Variants in BDH1 observed in about 807,000 individuals in gnomAD.
BDH1 encodes the protein 3-hydroxybutyrate dehydrogenase 1.
BDH1 carries 30 observed loss-of-function variants against 33.1 expected under a neutral mutation model. The ratio of observed to expected loss-of-function variants is 0.91; its 90% CI spans 0.68 to 1.23. The LOEUF is 1.23. BDH1 is among the 50% of genes most tolerant of loss of function. The pLI, the probability that BDH1 is intolerant of heterozygous loss-of-function variation, is 0.00. For missense variants in BDH1, 443 were observed against 464.4 expected (o/e 0.95, Z 0.42); for synonymous variants, 190 against 183.6 (o/e 1.03, Z -0.28).
intron 3 of BDH1, among the ~76,000 whole-genome samples, chr3:197,543,428 G>C (rs986648339): frequency 2.0e-5 from 3 of 152,244 alleles, no homozygotes; most frequent in Admixed American, 2.0e-4. Context: ...TGGCAGAGCT[G>C]AGCACTGGTG....
intron 5 of BDH1, among the ~76,000 whole-genome samples, chr3:197,531,599 G>A (rs886800005): frequency 6.6e-6 from 1 of 152,004 alleles, no homozygotes; most frequent in Admixed American, 6.5e-5. Context: ...AAAAGGCCAT[G>A]TATTGTATGA....
In BDH1 at chr3:197,511,884, A is replaced by G. The variant is rs1712055328; in HGVS notation, c.*11T>C. On this transcript the variant is annotated 3_prime_UTR_variant, in exon 8 of 8. Coordinates refer to ENST00000392379, the MANE Select transcript of BDH1 (RefSeq NM_203314.3). ...ACCAGGGATCCCTGACAGAGGCCAC[A>G]GCGAGACTCTTCAGCGGATGTAGAT... is the stretch of plus-strand genomic sequence containing the variant. The G allele has an allele frequency of 6.5e-7, 1 of 1,545,270 alleles. No homozygotes were observed.
chr3:197,514,558 A>G lies in BDH1; in HGVS notation c.410-142T>C. ...CCAGTGCTCTCAAGAAACTTTCTAG[A>G]GTCACTCAGGAACGACAGGAGGTAA... On this transcript the variant is annotated intron_variant, in intron 6 of 7. Transcript: ENST00000392379. This position sits in a 1 kb window ranked among gnomAD's most constrained non-coding sequence, Gnocchi z 4.2. 9.9e-7 allele frequency: 1 copy of G among 1,006,658 alleles called. No homozygotes were observed. Among genetic ancestry groups the G allele is most frequent in the East Asian group, 2.7e-5 (1 of 37,096 alleles). The allele number at this position is 1,006,658 out of a possible 1,614,324, so 62.4% of individuals were successfully genotyped here. A position where few individuals can be genotyped will look rare whatever the true frequency, so the allele number is the denominator to read the frequency against.
At chr3:197,541,007 G>A (rs1349759836) in intron 3 of BDH1, among the ~76,000 whole-genome samples, 1 of 152,136 alleles carries the variant, frequency 6.6e-6, no homozygotes, top group African/African-American at 2.4e-5. Flanking sequence ...TGGACTTCTC[G>A]GCCTTTCCTT....
rs940442918 is a variant in BDH1 at position 197,567,068 on chromosome 3, TC to T, written c.-44+6112del. On this transcript the variant is annotated intron_variant, in intron 1 of 6. Coordinates refer to the BDH1 transcript ENST00000358186. Reference sequence around the variant, plus strand: ...GTTTGTTGTTGTTTTTCTACCTTCTTCCCCCTGTTTTCTCTTCAAAGGACAT... The same window carrying T: ...GTTTGTTGTTGTTTTTCTACCTTCTTCCCCTGTTTTCTCTTCAAAGGACAT... 4.6e-4 allele frequency among the ~76,000 whole-genome samples: 70 copies of T among 152,264 alleles called. 1 individual carries two copies. Among genetic ancestry groups the T allele is most frequent in the Admixed American group, 1.8e-3 (28 of 15,292 alleles).
In BDH1 at chr3:197,523,577, C is replaced by T. The variant is rs1368465438; in HGVS notation, c.268-796G>A. ...AAACAGGAGAAAGGCGTCACTCGCT[C>T]GGCAAACATTTCTTGGGCCCCTATC... On this transcript the variant is annotated intron_variant, in intron 5 of 7. Transcript: ENST00000392379. The surrounding 1 kb of genome is among the most constrained non-coding windows in gnomAD (Gnocchi z 4.5). Among the ~76,000 whole-genome samples the T allele has an allele frequency of 6.6e-6, 1 of 152,220 alleles. No homozygotes were observed. Among genetic ancestry groups the T allele is most frequent in the Non-Finnish European group, 1.5e-5 (1 of 68,042 alleles).
At chr3:197,549,892 T>C (rs1716404761) in intron 2 of BDH1, among the ~76,000 whole-genome samples, 1 of 152,066 alleles carries the variant, frequency 6.6e-6, no homozygotes, top group Non-Finnish European at 1.5e-5. Context: ...ATCATCTTTG[T>C]TAATTGCCTG....
rs892563089 is a variant in BDH1, at chr3:197,528,933, C to T, written c.267+3479G>A. The stretch of plus-strand genomic sequence containing the variant: ...CCTGTGCTGTGGAATCTGACTGTGG[C>T]TCCCTGTGTCACTGGATAAGCCAGC... On this transcript the variant is annotated intron_variant, in intron 5 of 7. Coordinates refer to ENST00000392379, the MANE Select transcript of BDH1 (RefSeq NM_203314.3). This position sits in a 1 kb window ranked among gnomAD's most constrained non-coding sequence, Gnocchi z 5.1. The T allele has an allele frequency of 6.6e-6, 1 of 152,308 alleles. No homozygotes were observed. The highest frequency in any genetic ancestry group is 6.5e-5 in the Admixed American group (1 of 15,292). The allele number at this position is 152,308 out of a possible 1,614,324, so 9.4% of individuals were successfully genotyped here.
At chr3:197,556,720 A>C (rs1717064249), upstream of BDH1, among the ~76,000 whole-genome samples, 1 of 152,192 alleles carries the variant, frequency 6.6e-6, no homozygotes, top group Non-Finnish European at 1.5e-5. Context: ...ATAAATTAAG[A>C]ATAGCAGTTT....
chr3:197,572,301 TG>T (rs1487502486), intron 1 of BDH1, among the ~76,000 whole-genome samples: 2 of 152,158 alleles, frequency 1.3e-5, no homozygotes. Context: ...TTAGATTAAA[TG>T]AATTTACGAA....
chr3:197,537,916 T>C (rs749795130), intron 3 of BDH1, among the ~76,000 whole-genome samples: 145 of 152,272 alleles, frequency 9.5e-4, no homozygotes, highest in Non-Finnish European at 1.6e-3. Flanking sequence ...TTGTTGGGGC[T>C]TTTTGCGTCT....
In BDH1 at chr3:197,512,163, G is replaced by A. The variant is rs761005595; in HGVS notation, c.764C>T (p.Ala255Val). 2 of 1,614,132 alleles carry A rather than the reference G, an allele frequency of 1.2e-6. No homozygotes were observed. Among genetic ancestry groups the A allele is most frequent in the Non-Finnish European group, 1.7e-6 (2 of 1,180,020 alleles). The change falls in exon 8 of 8, where the codon GCC (alanine) becomes GTC (valine). Residue 255 changes from alanine to valine, a missense_variant. Ala to Val is a moderately conservative substitution (Grantham distance 64, BLOSUM62 0). Coordinates refer to ENST00000392379, the MANE Select transcript of BDH1 (RefSeq NM_203314.3). ...TSLYSPESIQ[A>V]IAKKMWEELP... Reference sequence around the variant, plus strand: ...CTCCTCCCACATCTTCTTGGCGATGGCCTGAATGCTCTCAGGGCTGTAAAG... The same window carrying A: ...CTCCTCCCACATCTTCTTGGCGATGACCTGAATGCTCTCAGGGCTGTAAAG...
intron 1 of BDH1, among the ~76,000 whole-genome samples, chr3:197,570,090 A>G (rs566531101): frequency 6.6e-6 from 1 of 152,192 alleles, no homozygotes; most frequent in African/African-American, 2.4e-5. Flanking sequence ...TGGGAACTGG[A>G]GTAAAGGTGA....
In BDH1 at chr3:197,514,115, C is replaced by T. The variant is rs1712411798; in HGVS notation, c.562+149G>A. On this transcript the variant is annotated intron_variant, in intron 7 of 7. Transcript: ENST00000392379. This position sits in a 1 kb window ranked among gnomAD's most constrained non-coding sequence, Gnocchi z 4.2. Reference sequence around the variant, plus strand: ...CCACAGCCCCTCTGCCCACCATCACCCCAGGCCCAGCATAGTCCCTGGGAT... The same window carrying T: ...CCACAGCCCCTCTGCCCACCATCACTCCAGGCCCAGCATAGTCCCTGGGAT... 8.9e-7 allele frequency: 1 copy of T among 1,122,680 alleles called. No individual in the cohort carries two copies. The highest frequency in any genetic ancestry group is 1.8e-5 in the South Asian group (1 of 54,070). 69.5% of individuals were successfully genotyped at this position (1,122,680 alleles called of 1,614,324 possible). A position where few individuals can be genotyped will look rare whatever the true frequency, so the allele number is the denominator to read the frequency against.
intron 3 of BDH1, among the ~76,000 whole-genome samples, chr3:197,534,727 C>T (rs943201517): frequency 2.0e-5 from 3 of 152,200 alleles, no homozygotes. Flanking sequence ...TCCCCACAGC[C>T]TTGTCGGCAT....
chr3:197,530,500 C>G (rs149731051), intron 5 of BDH1: 1 of 151,288 alleles, frequency 6.6e-6, no homozygotes, highest in Non-Finnish European at 1.5e-5. Flanking sequence ...TTCTTGAACC[C>G]GGGAGGTGGA....
intron 1 of BDH1, among the ~76,000 whole-genome samples, chr3:197,564,972 G>C (rs1717387074): frequency 6.6e-6 from 1 of 152,110 alleles, no homozygotes; most frequent in Admixed American, 6.5e-5. Context: ...GCCCAGGCTA[G>C]GGTGCAATGG....
In BDH1 at chr3:197,511,250, A is replaced by T. The variant is rs947927054; in HGVS notation, c.*645T>A. The T allele has an allele frequency of 2.0e-5, 3 of 152,306 alleles. No homozygotes were observed. Among genetic ancestry groups the T allele is most frequent in the Admixed American group, 6.5e-5 (1 of 15,278 alleles). The allele number at this position is 152,306 out of a possible 1,614,324, so 9.4% of individuals were successfully genotyped here. A position where few individuals can be genotyped will look rare whatever the true frequency, so the allele number is the denominator to read the frequency against. ...TGGAAAAACAAAAATCTCCAGAAAC[A>T]TTCCCACCCCCTCCATACAGCCAGC... On this transcript the variant is annotated 3_prime_UTR_variant, in exon 8 of 8. Transcript: ENST00000392379.
In BDH1 at chr3:197,515,918, G is replaced by A. The variant is rs142692850; in HGVS notation, c.410-1502C>T. 6.4e-3 allele frequency: 972 copies of A among 150,940 alleles called. 7 individuals carry two copies. The highest frequency in any genetic ancestry group is 0.017 in the African/African-American group (675 of 39,120). The allele number at this position is 150,940 out of a possible 1,614,324, so 9.4% of individuals were successfully genotyped here. On this transcript the variant is annotated intron_variant, in intron 6 of 7. Coordinates refer to ENST00000392379, the MANE Select transcript of BDH1 (RefSeq NM_203314.3). ...CACACACACACACACACACACACGC[G>A]CGCGCGCGCGCTCTATCCTCTCCAT...
Sources: gnomAD v4.1 joint callset for allele counts (sites outside exome capture counted in the v4.1 genomes callset) on GRCh38, gnomAD v4.1.1 for gene constraint, Gnocchi (gnomAD v3.1) non-coding constraint, MANE v1.5 for transcripts, NCBI Gene and HGNC (gene_info 2026-07-23, HGNC 2026-07-21) for gene names.